The following SYT7 variants were observed in gnomAD, a reference collection of about 807,000 sequenced individuals.
SYT7 encodes the protein synaptotagmin 7.
Under a neutral mutation model 75.1 loss-of-function variants are expected in SYT7, and 29 were observed. That is an observed-to-expected ratio of 0.39 (90% CI 0.29 to 0.53). The LOEUF (loss-of-function observed/expected upper bound fraction) is 0.53, where lower values mean the gene tolerates loss of function less well. SYT7 is among the 20% of genes least tolerant of loss of function. The pLI is 0.77. For synonymous variants in SYT7, 376 were observed against 401.7 expected (o/e 0.94, Z 0.76); for missense variants, 693 against 953.2 (o/e 0.73, Z 3.59).
intron 1 of SYT7, among the ~76,000 whole-genome samples, chr11:61,564,120 C>A (rs1292068721): frequency 1.3e-5 from 2 of 152,174 alleles, no homozygotes; most frequent in Admixed American, 1.3e-4. Flanking sequence ...AGGATAATAT[C>A]CTGTCTCCCA....
chr11:61,559,751 T>G (rs2063591186), intron 1 of SYT7, among the ~76,000 whole-genome samples: 1 of 152,168 alleles, frequency 6.6e-6, no homozygotes, highest in South Asian at 2.1e-4. Context: ...CAACCCCTGC[T>G]GCAGGTCAGA....
At chr11:61,555,594 A>G (rs1422014811) in intron 2 of SYT7, among the ~76,000 whole-genome samples, 1 of 151,660 alleles carries the variant, frequency 6.6e-6, no homozygotes, top group Non-Finnish European at 1.5e-5. Context: ...GCTTGTACAA[A>G]CCCAAGAGCC....
chr11:61,531,290 C>A (rs1190720609), intron 8 of SYT7, among the ~76,000 whole-genome samples: 1 of 152,228 alleles, frequency 6.6e-6, no homozygotes, highest in African/African-American at 2.4e-5. Flanking sequence ...AGCTGTCGGC[C>A]CTTCCCTGGG....
chr11:61,542,199 G>T lies in SYT7; in HGVS notation c.941+12C>A. 1 of 1,532,386 alleles carries T rather than the reference G, an allele frequency of 6.5e-7. No homozygotes were observed. 94.9% of individuals were successfully genotyped at this position (1,532,386 alleles called of 1,614,324 possible). On this transcript the variant is annotated intron_variant, in intron 6 of 12. Coordinates refer to ENST00000539008, the MANE Select transcript of SYT7 (RefSeq NM_001365809.2). The surrounding 1 kb of genome is among the most constrained non-coding windows in gnomAD (Gnocchi z 7.8). ...GGAGGTGGGGGCCGGCCCGCTCAAG[G>T]GGAGGACTTACAGGAAGGATTTCAT...
intron 5 of SYT7, among the ~76,000 whole-genome samples, chr11:61,543,793 C>T (rs2063112679): frequency 6.6e-6 from 1 of 152,250 alleles, no homozygotes; most frequent in African/African-American, 2.4e-5. Flanking sequence ...TTCACCATAT[C>T]CCACAGGCAG....
chr11:61,562,013 C>T (rs77386435), intron 1 of SYT7, among the ~76,000 whole-genome samples: 8,040 of 151,490 alleles, frequency 0.053, 434 homozygotes, highest in African/African-American at 0.14. Flanking sequence ...AGTGTGTGTG[C>T]GCGCATGCAC....
intron 7 of SYT7, 194 bp from the exon 8 acceptor site, chr11:61,533,318 GC>G (rs1170408891): frequency 1.0e-6 from 1 of 985,330 alleles, no homozygotes; most frequent in Non-Finnish European, 1.2e-6. Flanking sequence ...CATTCTCCTT[GC>G]AGCCTCTACC....
upstream of SYT7, among the ~76,000 whole-genome samples, chr11:61,583,314 C>T (rs1477971732): frequency 1.3e-5 from 2 of 152,142 alleles, no homozygotes; most frequent in Admixed American, 6.5e-5. Context: ...TCTCCCCACT[C>T]CAGATCCCTC....
Position 61,515,638 on chromosome 11 carries a change from G to C in SYT7, c.*2989C>G, listed in dbSNP as rs1351419131. On this transcript the variant is annotated 3_prime_UTR_variant, in exon 13 of 13. Coordinates refer to ENST00000539008, the MANE Select transcript of SYT7 (RefSeq NM_001365809.2). ...GAGCCCCCCTGGCTTGTTTGTGGCT[G>C]TTTTCCTCTGTCCCTTCCCTGGCAT... 2.0e-5 allele frequency: 3 copies of C among 152,574 alleles called. No individual in the cohort carries two copies. Among genetic ancestry groups the C allele is most frequent in the Admixed American group, 6.5e-5 (1 of 15,280 alleles). 9.5% of individuals were successfully genotyped at this position (152,574 alleles called of 1,614,324 possible).
chr11:61,528,314 C>T, intron 8 of SYT7, 129 bp from the exon 9 acceptor site: 1 of 1,198,328 alleles, frequency 8.3e-7, no homozygotes, highest in Non-Finnish European at 1.2e-6. Flanking sequence ...ACGGACGCTG[C>T]TCAGGCTCAG....
At chr11:61,536,593 C>T (rs1214272220) in intron 7 of SYT7, among the ~76,000 whole-genome samples, 1 of 152,196 alleles carries the variant, frequency 6.6e-6, no homozygotes, top group Non-Finnish European at 1.5e-5. Context: ...AGACTCCGCT[C>T]CTCCAGTACC....
At position 61,551,770 on chromosome 11, in the gene SYT7, C is replaced by T. The variant is rs2063359324; in HGVS notation, c.136-307G>A. ...TCTCCTGGGGCTCTGGCCTAGCTCC[C>T]AGAAACACAGTTCCCTCTGCCACGG... On this transcript the variant is annotated intron_variant, in intron 2 of 12. Transcript: ENST00000539008. This position sits in a 1 kb window ranked among gnomAD's most constrained non-coding sequence, Gnocchi z 5.3. 6.6e-6 allele frequency among the ~76,000 whole-genome samples: 1 copy of T among 152,172 alleles called. No homozygotes were observed. Among genetic ancestry groups the T allele is most frequent in the African/African-American group, 2.4e-5 (1 of 41,428 alleles).
At chr11:61,539,313 G>C (rs2062974213) in intron 6 of SYT7, among the ~76,000 whole-genome samples, 1 of 152,122 alleles carries the variant, frequency 6.6e-6, no homozygotes, top group Admixed American at 6.5e-5. Context: ...CTTTAGTAGG[G>C]GGCATTCTCA....
chr11:61,585,206 C>T (rs2064360706), upstream of SYT7, among the ~76,000 whole-genome samples: 1 of 152,224 alleles, frequency 6.6e-6, no homozygotes, highest in Non-Finnish European at 1.5e-5. Context: ...CTGGCCTCTA[C>T]CTGGCATGGT....
intron 8 of SYT7, among the ~76,000 whole-genome samples, chr11:61,531,421 C>T (rs995807161): frequency 8.5e-5 from 13 of 152,154 alleles, no homozygotes; most frequent in African/African-American, 2.9e-4. Flanking sequence ...TGGCAATGGC[C>T]CATCCAGAAG....
In SYT7 at chr11:61,542,141, C is replaced by T; in HGVS notation, c.941+70G>A. The T allele has an allele frequency of 2.7e-6, 4 of 1,486,376 alleles. No individual in the cohort carries two copies. Among genetic ancestry groups the T allele is most frequent in the Non-Finnish European group, 3.6e-6 (4 of 1,123,712 alleles). 92.1% of individuals were successfully genotyped at this position (1,486,376 alleles called of 1,614,324 possible). A position where few individuals can be genotyped will look rare whatever the true frequency, so the allele number is the denominator to read the frequency against. ...GGAGGTACACACAACCAGCTGCTCC[C>T]AAGGAGATCTGGGGGGCAGGAGGCT... is the stretch of plus-strand genomic sequence containing the variant. On this transcript the variant is annotated intron_variant, in intron 6 of 12. Transcript: ENST00000539008. The surrounding 1 kb of genome is among the most constrained non-coding windows in gnomAD (Gnocchi z 7.8).
chr11:61,550,574 C>T (rs1204160041), intron 3 of SYT7, among the ~76,000 whole-genome samples: 1 of 152,168 alleles, frequency 6.6e-6, no homozygotes, highest in East Asian at 1.9e-4. Context: ...GGGGTTACCA[C>T]CCCTACCTTG....
Position 61,514,763 on chromosome 11 carries a change from C to G in SYT7, c.*3864G>C, listed in dbSNP as rs1277216707. ...AACCTGTTCTATTGAGTGGAAGAGACTTTTCTAATCCTAAAGAATGAAACT... is the reference window on the plus strand; with the variant it reads ...AACCTGTTCTATTGAGTGGAAGAGAGTTTTCTAATCCTAAAGAATGAAACT... On this transcript the variant is annotated 3_prime_UTR_variant, in exon 13 of 13. Coordinates refer to ENST00000539008, the MANE Select transcript of SYT7 (RefSeq NM_001365809.2). Among the ~76,000 whole-genome samples the G allele has an allele frequency of 6.6e-6, 1 of 152,226 alleles. No individual in the cohort carries two copies. Among genetic ancestry groups the G allele is most frequent in the Non-Finnish European group, 1.5e-5 (1 of 68,034 alleles).
chr11:61,548,663 G>A (rs1237629922), intron 3 of SYT7, among the ~76,000 whole-genome samples: 2 of 152,172 alleles, frequency 1.3e-5, no homozygotes, highest in African/African-American at 4.8e-5. Flanking sequence ...GGGTGCCAGC[G>A]GGGGCACACC....
Sources: allele counts gnomAD v4.1 joint callset (sites outside exome capture counted in the v4.1 genomes callset), GRCh38; gene constraint gnomAD v4.1.1; non-coding constraint Gnocchi (gnomAD v3.1); transcripts MANE v1.5; gene names NCBI Gene and HGNC (gene_info 2026-07-23, HGNC 2026-07-21).